The following SLC26A8 variants were observed in gnomAD, a reference collection of about 807,000 sequenced individuals.
SLC26A8 encodes solute carrier family 26 member 8.
SLC26A8 carries 70 observed loss-of-function variants against 105.0 expected under a neutral mutation model. The ratio of observed to expected loss-of-function variants is 0.67; its 90% CI spans 0.55 to 0.81. The LOEUF is 0.81. Ranked by LOEUF, SLC26A8 falls within the 40% of genes least tolerant of loss-of-function variation. SLC26A8 has a pLI of 0.00. For missense variants in SLC26A8, 998 were observed against 1,181.8 expected (o/e 0.84, Z 2.28); for synonymous variants, 415 against 438.3 (o/e 0.95, Z 0.66).
chr6:35,976,311 C>A (rs1773021491), intron 9 of SLC26A8, among the ~76,000 whole-genome samples: 1 of 151,638 alleles, frequency 6.6e-6, no homozygotes, highest in Non-Finnish European at 1.5e-5. Context: ...GTAATCCCAG[C>A]TACTCGGGTG....
At chr6:36,013,329 T>C (rs182059002) in intron 2 of SLC26A8, among the ~76,000 whole-genome samples, 6 of 152,190 alleles carry the variant, frequency 3.9e-5, no homozygotes, top group African/African-American at 1.4e-4. Context: ...CCTGAGTAGC[T>C]GGGATTACAG....
intron 1 of SLC26A8, among the ~76,000 whole-genome samples, chr6:36,020,282 A>C (rs1450246045): frequency 1.3e-5 from 2 of 152,222 alleles, no homozygotes; most frequent in Non-Finnish European, 2.9e-5. Context: ...GACTATTCAC[A>C]GTTGCAGCCC....
intron 3 of SLC26A8, among the ~76,000 whole-genome samples, chr6:36,006,037 C>G (rs973512917): frequency 6.6e-6 from 1 of 152,144 alleles, no homozygotes; most frequent in African/African-American, 2.4e-5. Flanking sequence ...TACAAATTAT[C>G]TTATTATTCA....
chr6:35,984,490 T>C (rs1331837324), intron 7 of SLC26A8, among the ~76,000 whole-genome samples: 2 of 151,708 alleles, frequency 1.3e-5, no homozygotes, highest in African/African-American at 4.8e-5. Context: ...GCCCAGCTAA[T>C]TTTTTTTATT....
intron 2 of SLC26A8, among the ~76,000 whole-genome samples, chr6:36,015,128 G>GAGGGAGTCTCACTCTGTAGCCC (rs1761960165): frequency 2.1e-5 from 3 of 140,342 alleles, no homozygotes; most frequent in Non-Finnish European, 4.6e-5. Flanking sequence ...TTTTTTTTGA[G>GAGGGAGTCTCACTCTGTAGCCC]AGGGAGTCTC....
At chr6:35,977,440 T>TTA in intron 8 of SLC26A8, 89 bp from the exon 9 acceptor site, 15 of 1,305,916 alleles carry the variant, frequency 1.1e-5, no homozygotes, top group Non-Finnish European at 1.5e-5. Context: ...GCTGTCCTGA[T>TTA]TCTTTTTTTT....
At chr6:35,973,419 C>T (rs1299248721) in intron 10 of SLC26A8, among the ~76,000 whole-genome samples, 1 of 152,204 alleles carries the variant, frequency 6.6e-6, no homozygotes, top group Non-Finnish European at 1.5e-5. Context: ...TAAAATGGTA[C>T]AATGTAGTCT....
intron 2 of SLC26A8, among the ~76,000 whole-genome samples, chr6:36,014,250 C>T (rs969109285): frequency 1.3e-5 from 2 of 152,174 alleles, no homozygotes; most frequent in African/African-American, 4.8e-5. Flanking sequence ...ACCAGCCAGC[C>T]ACCCAAGGCA....
At chr6:35,984,045 A>G (rs1355121668) in intron 7 of SLC26A8, among the ~76,000 whole-genome samples, 1 of 152,134 alleles carries the variant, frequency 6.6e-6, no homozygotes, top group Non-Finnish European at 1.5e-5. Flanking sequence ...TCTACCCTGC[A>G]TCTCTAATCC....
At chr6:35,978,388 A>G (rs532785920) in intron 8 of SLC26A8, among the ~76,000 whole-genome samples, 2 of 152,220 alleles carry the variant, frequency 1.3e-5, no homozygotes, top group Non-Finnish European at 2.9e-5. Context: ...CCATACTGGC[A>G]TAATTCTTTA....
At position 35,997,922 on chromosome 6, in the gene SLC26A8, G is replaced by A. The variant is rs930882757; in HGVS notation, c.446-3C>T. ...AGCACTCACCAGGAAGAAGGAACCT[G>A]TGGAAGAAGATGTTAGGTAGAAGGT... On this transcript the variant is annotated splice_region_variant and splice_polypyrimidine_tract_variant and intron_variant, in intron 4 of 19. Coordinates refer to ENST00000490799, the MANE Select transcript of SLC26A8 (RefSeq NM_052961.4). 1.2e-6 allele frequency: 2 copies of A among 1,613,148 alleles called. No individual in the cohort carries two copies. The highest frequency in any genetic ancestry group is 1.3e-5 in the African/African-American group (1 of 75,000).
intron 3 of SLC26A8, among the ~76,000 whole-genome samples, chr6:36,004,555 T>C (rs966945677): frequency 2.0e-5 from 3 of 152,192 alleles, no homozygotes; most frequent in African/African-American, 7.2e-5. Flanking sequence ...TAATGAAGCT[T>C]TATTCATTTA....
intron 4 of SLC26A8, among the ~76,000 whole-genome samples, 171 bp from the exon 5 acceptor site, chr6:35,998,090 C>T (rs959858574): frequency 1.3e-5 from 2 of 152,208 alleles, no homozygotes; most frequent in African/African-American, 4.8e-5. Context: ...TGTGTCTCCA[C>T]ATATTGTGAC....
In SLC26A8 at chr6:35,981,525, A is replaced by C. The variant is rs2127331216; in HGVS notation, c.1025+596T>G. ...GGCGTGGCAGTGCACGGCGGTGTAC[A>C]CCTGTAGTCCCAACTACTCAGAGAG... On this transcript the variant is annotated intron_variant, in intron 8 of 19. Coordinates refer to ENST00000490799, the MANE Select transcript of SLC26A8 (RefSeq NM_052961.4). This position sits in a 1 kb window ranked among gnomAD's most constrained non-coding sequence, Gnocchi z 4.0. Among the ~76,000 whole-genome samples, 2 of 152,270 alleles carry C rather than the reference A, an allele frequency of 1.3e-5. No individual in the cohort carries two copies. The highest frequency in any genetic ancestry group is 2.9e-5 in the Non-Finnish European group (2 of 68,014).
intron 5 of SLC26A8, 49 bp downstream of exon 5, chr6:35,997,689 A>G (rs1464551553): frequency 6.4e-7 from 1 of 1,571,064 alleles, no homozygotes; most frequent in South Asian, 1.1e-5. Flanking sequence ...GTCTGTTTAT[A>G]GCCCCTTTAT....
rs1168753321 is a variant in SLC26A8, at chr6:35,994,116, C to CTT, written c.628-1444_628-1443dup. The stretch of plus-strand genomic sequence containing the variant: ...CTGTGTCTCCCTTTTTTTTTCTTTT[C>CTT]TTTTTTTTTTTTTTTTGAGACGGAG... On this transcript the variant is annotated intron_variant, in intron 5 of 19. Coordinates refer to ENST00000490799, the MANE Select transcript of SLC26A8 (RefSeq NM_052961.4). Among the ~76,000 whole-genome samples, 88 of 66,200 alleles carry CTT rather than the reference C, an allele frequency of 1.3e-3. 1 individual carries two copies. The highest frequency in any genetic ancestry group is 1.9e-3 in the Non-Finnish European group (54 of 28,806). The allele number at this position is 66,200 out of a possible 152,430, so 43.4% of individuals were successfully genotyped here. A position where few individuals can be genotyped will look rare whatever the true frequency, so the allele number is the denominator to read the frequency against.
In SLC26A8 at chr6:35,966,066, C is replaced by T. The variant is rs988398304; in HGVS notation, c.1365+2811G>A. 2.0e-5 allele frequency among the ~76,000 whole-genome samples: 3 copies of T among 151,960 alleles called. No individual in the cohort carries two copies. In the East Asian group the frequency reaches 5.8e-4, roughly 29 times the overall value. ...TTCCTGTATTGGTTTAATTTCTTAG[C>T]CCTTTCCTAGCTGTCCATTCCTCCA... On this transcript the variant is annotated intron_variant, in intron 11 of 19. Coordinates refer to ENST00000490799, the MANE Select transcript of SLC26A8 (RefSeq NM_052961.4).
chr6:35,968,535 A>AT (rs1772612947), intron 11 of SLC26A8, among the ~76,000 whole-genome samples: 1 of 133,316 alleles, frequency 7.5e-6, no homozygotes, highest in Non-Finnish European at 1.5e-5. Flanking sequence ...ATACTATTAC[A>AT]TCTATCTATC....
chr6:36,008,270 GGT>G lies in SLC26A8; in HGVS notation c.328+3961_328+3962del, dbSNP rs1244237692. 2.6e-5 allele frequency among the ~76,000 whole-genome samples: 4 copies of G among 152,008 alleles called. No homozygotes were observed. In the East Asian group the frequency reaches 7.7e-4, roughly 29 times the overall value. ...GTTCACACCACTGCACTCCTGCCTG[GGT>G]GACAGAGCAAGATCCTGTCTCTAAA... On this transcript the variant is annotated intron_variant, in intron 3 of 19. Transcript: ENST00000490799.
Sources: gnomAD v4.1 joint callset for allele counts (sites outside exome capture counted in the v4.1 genomes callset) on GRCh38, gnomAD v4.1.1 for gene constraint, Gnocchi (gnomAD v3.1) non-coding constraint, MANE v1.5 for transcripts, NCBI Gene and HGNC (gene_info 2026-07-23, HGNC 2026-07-21) for gene names.